LRFN5: variants seen among roughly 807,000 people sequenced by gnomAD.
LRFN5 encodes leucine rich repeat and fibronectin type III domain containing 5.
Under a neutral mutation model 45.6 loss-of-function variants are expected in LRFN5, and 24 were observed. That is an observed-to-expected ratio of 0.53 (90% CI 0.38 to 0.74). The LOEUF is 0.74. Among genes scored for constraint, LRFN5 ranks in the 30% least tolerant of loss-of-function variants. The pLI is 0.00. For synonymous variants in LRFN5, 340 were observed against 313.8 expected, an observed-to-expected ratio of 1.08 and a Z score of -0.88; for missense variants, 776 against 861.5, an observed-to-expected ratio of 0.90 and a Z score of 1.24.
At chr14:41,849,983 T>C (rs746656734) in intron 2 of LRFN5, among the ~76,000 whole-genome samples, 2 of 151,848 alleles carry the variant, frequency 1.3e-5, no homozygotes, top group Non-Finnish European at 2.9e-5. Context: ...TGCCCCAAAT[T>C]AGATGGTGAG....
At chr14:41,722,830 G>A (rs1248680747) in intron 1 of LRFN5, among the ~76,000 whole-genome samples, 2 of 152,118 alleles carry the variant, frequency 1.3e-5, no homozygotes, top group Admixed American at 1.3e-4. Flanking sequence ...CTGATTCATG[G>A]AATACACAAT....
intron 1 of LRFN5, among the ~76,000 whole-genome samples, chr14:41,661,748 G>C (rs939639366): frequency 6.6e-6 from 1 of 152,002 alleles, no homozygotes; most frequent in African/African-American, 2.4e-5. Flanking sequence ...CCCAGAGAAG[G>C]TGACCCTAGT....
Position 41,763,946 on chromosome 14 carries a change from T to C in LRFN5, c.-196-2908T>C, listed in dbSNP as rs571005281. Among the ~76,000 whole-genome samples, 3 of 152,328 alleles carry C rather than the reference T, an allele frequency of 2.0e-5. 1 individual carries two copies. The South Asian group carries it at 6.2e-4, about 32-fold the overall frequency. On this transcript the variant is annotated intron_variant, in intron 1 of 5. Coordinates refer to ENST00000298119, the MANE Select transcript of LRFN5 (RefSeq NM_152447.5). Reference sequence around the variant, plus strand: ...TAACAGTTGCTGAATTTTCTAAGACTATGCTAAGAATGTAACAACTTGGAA... The same window carrying C: ...TAACAGTTGCTGAATTTTCTAAGACCATGCTAAGAATGTAACAACTTGGAA...
intron 1 of LRFN5, among the ~76,000 whole-genome samples, chr14:41,726,408 T>A (rs1883935109): frequency 6.6e-6 from 1 of 152,158 alleles, no homozygotes; most frequent in African/African-American, 2.4e-5. Flanking sequence ...GAAAGATAAC[T>A]CTTGCTAAAC....
intron 1 of LRFN5, among the ~76,000 whole-genome samples, chr14:41,626,589 C>T (rs1334205213): frequency 6.6e-6 from 1 of 151,840 alleles, no homozygotes; most frequent in Non-Finnish European, 1.5e-5. Flanking sequence ...CATTTGGGGG[C>T]TCTATTTATG....
intron 1 of LRFN5, among the ~76,000 whole-genome samples, chr14:41,704,898 G>A (rs942690760): frequency 1.2e-4 from 18 of 151,962 alleles, no homozygotes; most frequent in African/African-American, 4.4e-4. Flanking sequence ...AAGCAATTAG[G>A]TTTCTGGATT....
intron 3 of LRFN5, 55 bp from the exon 4 acceptor site, chr14:41,891,195 T>G: frequency 7.4e-7 from 1 of 1,352,250 alleles, no homozygotes; most frequent in Non-Finnish European, 1.0e-6. Flanking sequence ...AATGACTTTC[T>G]GTGTATGTGT....
At chr14:41,629,969 C>T (rs1213484501) in intron 1 of LRFN5, among the ~76,000 whole-genome samples, 1 of 152,060 alleles carries the variant, frequency 6.6e-6, no homozygotes. Context: ...CTTCTATTTA[C>T]ATATGAGACA....
At chr14:41,878,011 T>A (rs1267792966) in intron 2 of LRFN5, among the ~76,000 whole-genome samples, 1 of 151,486 alleles carries the variant, frequency 6.6e-6, no homozygotes, top group African/African-American at 2.4e-5. Context: ...TATATCATAT[T>A]TTGAGGCCTG....
At chr14:41,799,145 A>G (rs560255141) in intron 2 of LRFN5, among the ~76,000 whole-genome samples, 2 of 152,100 alleles carry the variant, frequency 1.3e-5, no homozygotes, top group East Asian at 1.9e-4. Flanking sequence ...TGACTAGTGA[A>G]CTTAGCTCAC....
chr14:41,649,087 A>C (rs1238680041), intron 1 of LRFN5, among the ~76,000 whole-genome samples: 1 of 152,162 alleles, frequency 6.6e-6, no homozygotes, highest in Non-Finnish European at 1.5e-5. Context: ...TACAAAAATT[A>C]GTTGGGCGTT....
chr14:41,771,484 T>C (rs961054556), intron 2 of LRFN5, among the ~76,000 whole-genome samples: 1 of 152,076 alleles, frequency 6.6e-6, no homozygotes, highest in African/African-American at 2.4e-5. Flanking sequence ...CTCCTGTATA[T>C]AATTTAGGCT....
At chr14:41,779,399 A>G (rs1341986910) in intron 2 of LRFN5, among the ~76,000 whole-genome samples, 1 of 151,740 alleles carries the variant, frequency 6.6e-6, no homozygotes, top group Non-Finnish European at 1.5e-5. Context: ...AAATTTTTGG[A>G]TCTATGTTAA....
intron 2 of LRFN5, among the ~76,000 whole-genome samples, chr14:41,780,841 AT>A (rs915933831): frequency 6.6e-6 from 1 of 152,060 alleles, no homozygotes; most frequent in Non-Finnish European, 1.5e-5. Context: ...CTTCAAAAAA[AT>A]TTATAGTACG....
At chr14:41,670,442 T>C (rs1881150872) in intron 1 of LRFN5, among the ~76,000 whole-genome samples, 2 of 150,724 alleles carry the variant, frequency 1.3e-5, no homozygotes, top group Admixed American at 1.3e-4. Flanking sequence ...TTTATGACAG[T>C]TTAAATGCAT....
chr14:41,692,658 A>ATG (rs1461063806), intron 1 of LRFN5, among the ~76,000 whole-genome samples: 5 of 152,270 alleles, frequency 3.3e-5, no homozygotes, highest in African/African-American at 9.6e-5. Flanking sequence ...GAGTGAGAAC[A>ATG]TGCGGTGTTT....
chr14:41,787,130 C>G (rs1417966153), intron 2 of LRFN5, among the ~76,000 whole-genome samples: 1 of 151,814 alleles, frequency 6.6e-6, no homozygotes, highest in Non-Finnish European at 1.5e-5. Flanking sequence ...TATTGATTGA[C>G]TTTTTCTGAC....
chr14:41,843,671 C>G (rs2415690), intron 2 of LRFN5, among the ~76,000 whole-genome samples: 29,372 of 152,010 alleles, frequency 0.19, 2,906 homozygotes, highest in Non-Finnish European at 0.21. Context: ...ACCAAAAAGG[C>G]CTTCTTTTTA....
At chr14:41,827,764 T>C (rs757878106) in intron 2 of LRFN5, among the ~76,000 whole-genome samples, 11 of 152,066 alleles carry the variant, frequency 7.2e-5, no homozygotes, top group Non-Finnish European at 1.6e-4. Flanking sequence ...GTTTTAACAA[T>C]TTTTTATTTG....
Sources: gnomAD v4.1 joint callset for allele counts (sites outside exome capture counted in the v4.1 genomes callset) on GRCh38, gnomAD v4.1.1 for gene constraint, MANE v1.5 for transcripts, NCBI Gene and HGNC (gene_info 2026-07-23, HGNC 2026-07-21) for gene names.